The following ZNF516 variants were observed in gnomAD, a reference collection of about 807,000 sequenced individuals.
The protein encoded by ZNF516 is zinc finger protein 516.
ZNF516 carries 19 observed loss-of-function variants against 79.7 expected under a neutral mutation model. That is an observed-to-expected ratio of 0.24 (90% CI 0.17 to 0.35). The LOEUF is 0.35. Among genes scored for constraint, ZNF516 ranks in the 10% least tolerant of loss-of-function variants. The pLI is 1.00. For missense variants in ZNF516, 1,678 were observed against 1,679.5 expected (o/e 1.00, Z 0.02); for synonymous variants, 877 against 739.5 (o/e 1.19, Z -3.02).
chr18:76,437,100 A>ACACACACACACAC (rs60986326), intron 3 of ZNF516, among the ~76,000 whole-genome samples: 1 of 150,770 alleles, frequency 6.6e-6, no homozygotes, highest in African/African-American at 2.5e-5. Context: ...ACACACACAC[A>ACACACACACACAC]TACCGTCTCT....
chr18:76,478,759 A>G (rs1034125266), intron 1 of ZNF516, among the ~76,000 whole-genome samples: 4 of 152,148 alleles, frequency 2.6e-5, no homozygotes, highest in African/African-American at 9.7e-5. Context: ...TTTTCACTTA[A>G]GAGATCCACT....
chr18:76,389,265 T>G (rs1599166216), intron 3 of ZNF516: 1 of 143,916 alleles, frequency 6.9e-6, no homozygotes. Context: ...TCTGAGGGAG[T>G]GGCCTGCACA....
At chr18:76,368,958 C>T (rs899715286) in intron 6 of ZNF516, among the ~76,000 whole-genome samples, 1 of 152,222 alleles carries the variant, frequency 6.6e-6, no homozygotes, top group Admixed American at 6.5e-5. Context: ...GTTCCTAGAT[C>T]CACCTGGCCT....
At position 76,443,206 on chromosome 18, in the gene ZNF516, C is replaced by T. The variant is rs1911833424; in HGVS notation, c.-152G>A. 8.4e-7 allele frequency: 1 copy of T among 1,188,716 alleles called. No individual in the cohort carries two copies. The highest frequency in any genetic ancestry group is 1.6e-5 in the African/African-American group (1 of 64,366). The allele number at this position is 1,188,716 out of a possible 1,614,324, so 73.6% of individuals were successfully genotyped here. ...CATGGGGGGCGCAGCAGCTGGCAGC[C>T]AGCACCTGAAACAGAGATGGAACAT... On this transcript the variant is annotated 5_prime_UTR_variant, in exon 3 of 7. Transcript: ENST00000443185.
intron 3 of ZNF516, among the ~76,000 whole-genome samples, chr18:76,437,239 A>C (rs567555721): frequency 2.0e-5 from 3 of 152,332 alleles, no homozygotes; most frequent in East Asian, 3.9e-4. Context: ...ACCAGCACGG[A>C]CAGCCAGCCA....
At chr18:76,365,110 T>C (rs2074594359) in intron 6 of ZNF516, among the ~76,000 whole-genome samples, 2 of 152,254 alleles carry the variant, frequency 1.3e-5, no homozygotes, top group Non-Finnish European at 2.9e-5. Flanking sequence ...ATTTGCATTA[T>C]AATAGCCACA....
At chr18:76,382,454 AGTCT>A (rs149567055) in intron 3 of ZNF516, among the ~76,000 whole-genome samples, 1,996 of 152,296 alleles carry the variant, frequency 0.013, 27 homozygotes, top group Non-Finnish European at 0.022. Flanking sequence ...CTACTAGTGG[AGTCT>A]GTCAGTGTAA....
intron 3 of ZNF516, among the ~76,000 whole-genome samples, chr18:76,385,000 G>A (rs1335885433): frequency 6.6e-6 from 1 of 152,252 alleles, no homozygotes; most frequent in African/African-American, 2.4e-5. Context: ...TGTGCAGAGG[G>A]AGCAGGATCT....
Position 76,379,432 on chromosome 18 carries a change from C to T in ZNF516, c.2682G>A (p.Gln894=). The T allele has an allele frequency of 6.2e-7, 1 of 1,612,234 alleles. No individual in the cohort carries two copies. Among genetic ancestry groups the T allele is most frequent in the Non-Finnish European group, 8.5e-7 (1 of 1,179,234 alleles). Residue 894 remains glutamine (Q), a synonymous_variant, in exon 4 of 7, where the codon CAG becomes CAA. Coordinates refer to ENST00000443185, the MANE Select transcript of ZNF516 (RefSeq NM_014643.4). ...GYRQTKPCHG[Q]EPHGAATQGP... ...CCTGTGTGGCCGCGCCATGTGGCTCCTGGCCGTGACAAGGTTTGGTCTGTC... is the reference window on the plus strand; with the variant it reads ...CCTGTGTGGCCGCGCCATGTGGCTCTTGGCCGTGACAAGGTTTGGTCTGTC...
chr18:76,395,518 G>A (rs1435845973), intron 3 of ZNF516, among the ~76,000 whole-genome samples: 1 of 152,162 alleles, frequency 6.6e-6, no homozygotes, highest in Non-Finnish European at 1.5e-5. Context: ...TATCTCTTAA[G>A]GACCTGCAAA....
intron 3 of ZNF516, among the ~76,000 whole-genome samples, chr18:76,382,316 T>G (rs775235219): frequency 1.6e-4 from 25 of 152,178 alleles, no homozygotes; most frequent in Non-Finnish European, 3.1e-4. Context: ...AGCCTTTGTT[T>G]AAGTCAGAAT....
In ZNF516 at chr18:76,362,268, G is replaced by C. The variant is rs1013965077; in HGVS notation, c.*230C>G. ...GTAAATGCGTATATAGTATCTACAT[G>C]TATTTCTAGAATATAGCATCTTCAT... On this transcript the variant is annotated 3_prime_UTR_variant, in exon 7 of 7. Coordinates refer to ENST00000443185, the MANE Select transcript of ZNF516 (RefSeq NM_014643.4). 5.8e-6 allele frequency: 3 copies of C among 516,218 alleles called. No individual in the cohort carries two copies. Among genetic ancestry groups the C allele is most frequent in the African/African-American group, 5.7e-5 (3 of 52,882 alleles). 32.0% of individuals were successfully genotyped at this position (516,218 alleles called of 1,614,324 possible).
chr18:76,412,927 C>T (rs2075389068), intron 3 of ZNF516, among the ~76,000 whole-genome samples: 1 of 152,232 alleles, frequency 6.6e-6, no homozygotes, highest in South Asian at 2.1e-4. Flanking sequence ...CCCGCCATAA[C>T]CTACCCGGAA....
At chr18:76,383,922 C>T (rs2074936327) in intron 3 of ZNF516, among the ~76,000 whole-genome samples, 1 of 152,202 alleles carries the variant, frequency 6.6e-6, no homozygotes, top group Non-Finnish European at 1.5e-5. Context: ...TAAACTACTG[C>T]CAAGTCCAGT....
At chr18:76,365,507 G>A (rs2144888923) in intron 6 of ZNF516, among the ~76,000 whole-genome samples, 2 of 152,280 alleles carry the variant, frequency 1.3e-5, no homozygotes, top group Admixed American at 1.3e-4. Context: ...TCAACATATT[G>A]TTTTCAGAAA....
chr18:76,481,902 T>G (rs909770775), intron 1 of ZNF516, among the ~76,000 whole-genome samples: 6 of 152,238 alleles, frequency 3.9e-5, no homozygotes, highest in Non-Finnish European at 8.8e-5. Flanking sequence ...ATTCAAAAAG[T>G]AGCTCTCAAT....
At chr18:76,373,255 G>A (rs1599138349) in intron 4 of ZNF516, among the ~76,000 whole-genome samples, 1 of 151,412 alleles carries the variant, frequency 6.6e-6, no homozygotes, top group Non-Finnish European at 1.5e-5. Context: ...GGGAGCGGAG[G>A]GGAGGGGAAA....
chr18:76,400,616 A>T (rs1416504308), intron 3 of ZNF516, among the ~76,000 whole-genome samples: 4 of 152,196 alleles, frequency 2.6e-5, no homozygotes, highest in Admixed American at 6.5e-5. Flanking sequence ...ATGGAATCAA[A>T]CTACGTAGGC....
In ZNF516 at chr18:76,362,448, G is replaced by A; in HGVS notation, c.*50C>T. On this transcript the variant is annotated 3_prime_UTR_variant, in exon 7 of 7. Transcript: ENST00000443185. Reference sequence around the variant, plus strand: ...GGGAGGCTGCTGGGACATCGTGAGGGTACTGCTAATGGCCGTTACGGGGAC... The same window carrying A: ...GGGAGGCTGCTGGGACATCGTGAGGATACTGCTAATGGCCGTTACGGGGAC... 1 of 1,583,580 alleles carries A rather than the reference G, an allele frequency of 6.3e-7. No homozygotes were observed. Among genetic ancestry groups the A allele is most frequent in the Non-Finnish European group, 8.7e-7 (1 of 1,155,844 alleles).
Sources: gnomAD v4.1 joint callset for allele counts (sites outside exome capture counted in the v4.1 genomes callset) on GRCh38, gnomAD v4.1.1 for gene constraint, MANE v1.5 for transcripts, NCBI Gene and HGNC (gene_info 2026-07-23, HGNC 2026-07-21) for gene names.